PRKAA2: variants seen among roughly 807,000 people sequenced by gnomAD.
PRKAA2 encodes 5'-AMP-activated protein kinase catalytic subunit alpha-2.
Under a neutral mutation model 56.3 loss-of-function variants are expected in PRKAA2, and 40 were observed. The ratio of observed to expected loss-of-function variants is 0.71; its 90% CI spans 0.55 to 0.92. PRKAA2 has a LOEUF of 0.92. PRKAA2 is among the 40% of genes least tolerant of loss of function. The pLI is 0.00. For synonymous variants in PRKAA2, 214 were observed against 234.2 expected (o/e 0.91, Z 0.79); for missense variants, 542 against 686.9 (o/e 0.79, Z 2.36).
chr1:56,650,987 A>G (rs904204231), intron 1 of PRKAA2, among the ~76,000 whole-genome samples: 1 of 152,218 alleles, frequency 6.6e-6, no homozygotes, highest in Non-Finnish European at 1.5e-5. Flanking sequence ...TGTCCCATCA[A>G]TTGATGGAGC....
chr1:56,712,044 G>A lies in PRKAA2; in HGVS notation c.*4331G>A, dbSNP rs887179081. 1 of 152,138 alleles carries A rather than the reference G, an allele frequency of 6.6e-6. No homozygotes were observed. Among genetic ancestry groups the A allele is most frequent in the African/African-American group, 2.4e-5 (1 of 41,444 alleles). The allele number at this position is 152,138 out of a possible 1,614,324, so 9.4% of individuals were successfully genotyped here. On this transcript the variant is annotated 3_prime_UTR_variant, in exon 9 of 9. Transcript: ENST00000371244. The stretch of plus-strand genomic sequence containing the variant: ...CAAAGCATTACAAATTTGGAGTGAT[G>A]AAAGTGTTCCATATATTTTTTATAG...
chr1:56,645,468 C>G lies in PRKAA2; in HGVS notation c.81C>G (p.Phe27Leu). The change falls in exon 1 of 9, where the codon TTC becomes TTG. Residue 27 changes from phenylalanine to leucine, a missense_variant. By Grantham distance (22) the Phe-to-Leu change is conservative (BLOSUM62 0). Around this residue, in one of 5 missense-constraint regions of PRKAA2, gnomAD observed 59 missense variants for 53.9 expected, o/e 1.09. Coordinates refer to ENST00000371244, the MANE Select transcript of PRKAA2 (RefSeq NM_006252.4). ...GCGACACGCTGGGCGTCGGCACCTT[C>G]GGCAAAGTGAAGAGTTGAGTACGCG... Reference protein sequence around the residue: ...VLGDTLGVGTFGKVKIGEHQL... With the variant: ...VLGDTLGVGTLGKVKIGEHQL... 1 of 1,497,176 alleles carries G rather than the reference C, an allele frequency of 6.7e-7. No homozygotes were observed. Among genetic ancestry groups the G allele is most frequent in the Non-Finnish European group, 9.0e-7 (1 of 1,116,376 alleles). 92.7% of individuals were successfully genotyped at this position (1,497,176 alleles called of 1,614,324 possible).
At chr1:56,660,648 A>G (rs1280195518) in intron 1 of PRKAA2, among the ~76,000 whole-genome samples, 6 of 152,200 alleles carry the variant, frequency 3.9e-5, no homozygotes, top group Admixed American at 3.3e-4. Context: ...CGTTGTAATC[A>G]AGGAAACCTG....
chr1:56,663,318 G>C (rs1470754379), intron 1 of PRKAA2, among the ~76,000 whole-genome samples: 1 of 152,110 alleles, frequency 6.6e-6, no homozygotes, highest in African/African-American at 2.4e-5. Context: ...GTCCTCCTGG[G>C]CTCAAGCGAT....
intron 2 of PRKAA2, among the ~76,000 whole-genome samples, chr1:56,683,175 GA>G (rs1185883486): frequency 6.8e-6 from 1 of 148,112 alleles, no homozygotes; most frequent in African/African-American, 2.5e-5. Context: ...TTCTGAGATG[GA>G]AAGAATGGAA....
rs1240295511 is a variant in PRKAA2 at position 56,714,577 on chromosome 1, T to A, written c.*6864T>A. 3 of 152,294 alleles carry A rather than the reference T, an allele frequency of 2.0e-5. No individual in the cohort carries two copies. The East Asian group carries it at 5.8e-4, about 29-fold the overall frequency. 9.4% of individuals were successfully genotyped at this position (152,294 alleles called of 1,614,324 possible). A position where few individuals can be genotyped will look rare whatever the true frequency, so the allele number is the denominator to read the frequency against. ...ACTTGTCCTGTGTTGTAACAAATAT[T>A]CAGAATCTCTTAAAATGTTGGCTGA... On this transcript the variant is annotated 3_prime_UTR_variant, in exon 9 of 9. Transcript: ENST00000371244.
intron 7 of PRKAA2, 114 bp from the exon 8 acceptor site, chr1:56,705,978 A>T: frequency 1.1e-6 from 1 of 901,534 alleles, no homozygotes; most frequent in Non-Finnish European, 1.6e-6. Flanking sequence ...TAATATAAAA[A>T]AATTATTCGT....
intron 1 of PRKAA2, among the ~76,000 whole-genome samples, chr1:56,653,956 A>G (rs1643922786): frequency 6.6e-6 from 1 of 152,096 alleles, no homozygotes; most frequent in African/African-American, 2.4e-5. Context: ...TCTTGGAGGA[A>G]AGAGGCATAA....
chr1:56,672,409 G>A (rs72666495), intron 1 of PRKAA2, among the ~76,000 whole-genome samples: 32,616 of 152,102 alleles, frequency 0.21, 4,018 homozygotes, highest in South Asian at 0.46. Context: ...GAGCTGTCAT[G>A]CTTGGCCCTT....
chr1:56,668,742 G>A (rs1644054491), intron 1 of PRKAA2, among the ~76,000 whole-genome samples: 1 of 152,162 alleles, frequency 6.6e-6, no homozygotes, highest in South Asian at 2.1e-4. Flanking sequence ...AGATACAGAA[G>A]TGTTCCAAAC....
rs1315124138 is a variant in PRKAA2 at position 56,692,416 on chromosome 1, G to A, written c.389G>A (p.Cys130Tyr). ...FQQILSAVDYCHRHMVVHRDL... is the reference protein window; with the variant it reads ...FQQILSAVDYYHRHMVVHRDL... ...CAGATTCTGTCTGCTGTGGATTACT[G>A]TCATAGGCATATGGTTGTTCATCGA... The change falls in exon 4 of 9, where the codon TGT becomes TAT. Residue 130 changes from cysteine to tyrosine, a missense_variant. Transcript: ENST00000371244. 6.2e-7 allele frequency: 1 copy of A among 1,614,060 alleles called. No homozygotes were observed. Among genetic ancestry groups the A allele is most frequent in the Non-Finnish European group, 8.5e-7 (1 of 1,179,962 alleles).
chr1:56,704,556 T>C (rs932447), intron 7 of PRKAA2, 81 bp downstream of exon 7: 637,354 of 1,468,426 alleles, frequency 0.43, 142,408 homozygotes, highest in Non-Finnish European at 0.47. Context: ...CTGAGTTGAG[T>C]ATTAAGCCCA....
chr1:56,674,439 G>GAT lies in PRKAA2; in HGVS notation c.154_155dup (p.Arg53PhefsTer4), dbSNP rs1644099114. ...CAGTTAAAATCTTAAATAGACAGAA[G>GAT]ATTCGCAGTTTAGATGTTGTTGGAA... is the stretch of plus-strand genomic sequence containing the variant. On this transcript the variant is annotated frameshift_variant, in exon 2 of 9. Coordinates refer to ENST00000371244, the MANE Select transcript of PRKAA2 (RefSeq NM_006252.4). LOFTEE classifies it high-confidence loss of function. 1 of 1,582,050 alleles carries GAT rather than the reference G, an allele frequency of 6.3e-7. No homozygotes were observed. The highest frequency in any genetic ancestry group is 1.8e-5 in the Admixed American group (1 of 55,312).
intron 2 of PRKAA2, among the ~76,000 whole-genome samples, chr1:56,678,261 G>C (rs1033194608): frequency 6.6e-6 from 1 of 152,140 alleles, no homozygotes; most frequent in Non-Finnish European, 1.5e-5. Flanking sequence ...ATGTATTTTT[G>C]CTACAGAAGA....
chr1:56,691,276 T>C (rs1432412960), intron 2 of PRKAA2, 118 bp from the exon 3 acceptor site: 2 of 552,918 alleles, frequency 3.6e-6, no homozygotes, highest in Admixed American at 3.3e-5. Flanking sequence ...ATGTAATTTG[T>C]TGCCATCTTA....
chr1:56,652,576 C>G (rs1643910158), intron 1 of PRKAA2, among the ~76,000 whole-genome samples: 2 of 152,178 alleles, frequency 1.3e-5, no homozygotes, highest in Non-Finnish European at 2.9e-5. Context: ...TTTCTACTAC[C>G]AGTTGTCTCA....
chr1:56,647,852 A>C (rs1312315989), intron 1 of PRKAA2, among the ~76,000 whole-genome samples: 2 of 151,932 alleles, frequency 1.3e-5, no homozygotes, highest in Non-Finnish European at 2.9e-5. Context: ...CAACATGGCG[A>C]AACCCCATGT....
chr1:56,679,592 C>T (rs72668308), intron 2 of PRKAA2, among the ~76,000 whole-genome samples: 4,438 of 152,162 alleles, frequency 0.029, 119 homozygotes, highest in East Asian at 0.12. Flanking sequence ...CCTAAGTGTC[C>T]TCTGAATTTA....
Position 56,696,288 on chromosome 1 carries a change from T to C in PRKAA2, c.788+129T>C. ...CCCAGTACTCATGCTTCAGCCACAT[T>C]GAACTTGTCCTTGTTTCTCAAACCT... On this transcript the variant is annotated intron_variant, in intron 6 of 8. Transcript: ENST00000371244. The C allele has an allele frequency of 6.4e-6, 5 of 775,354 alleles. No individual in the cohort carries two copies. In the South Asian group the frequency reaches 9.6e-5, roughly 15 times the overall value. The allele number at this position is 775,354 out of a possible 1,614,324, so 48.0% of individuals were successfully genotyped here.
Sources: allele counts gnomAD v4.1 joint callset (sites outside exome capture counted in the v4.1 genomes callset), GRCh38; gene constraint gnomAD v4.1.1; regional missense constraint gnomAD v4.1.1; transcripts MANE v1.5; gene names NCBI Gene and HGNC (gene_info 2026-07-23, HGNC 2026-07-21).